ANKS1B: variants seen among roughly 807,000 people sequenced by gnomAD.
ANKS1B encodes ankyrin repeat and sterile alpha motif domain-containing protein 1B.
Under a neutral mutation model 148.3 loss-of-function variants are expected in ANKS1B, and 36 were observed. The observed-to-expected ratio is 0.24, with a 90% CI of 0.19 to 0.32. The LOEUF (loss-of-function observed/expected upper bound fraction) is 0.32. ANKS1B is among the 10% of genes least tolerant of loss of function. The pLI, the probability that ANKS1B is intolerant of heterozygous loss-of-function variation, is 1.00. For synonymous variants in ANKS1B, 542 were observed against 560.8 expected (o/e 0.97, Z 0.47); for missense variants, 1,157 against 1,542.6 (o/e 0.75, Z 4.19).
chr12:99,892,391 G>A (rs1488738), intron 1 of ANKS1B, among the ~76,000 whole-genome samples: 25,915 of 152,064 alleles, frequency 0.17, 2,803 homozygotes, highest in Non-Finnish European at 0.24. Flanking sequence ...TAAATACACC[G>A]TAAAGGGATT....
In ANKS1B at chr12:99,870,487, T is replaced by C. The variant is rs575712089; in HGVS notation, c.135-45098A>G. On this transcript the variant is annotated intron_variant, in intron 1 of 26. Transcript: ENST00000683438. ...TGATTGTTGAGTCAAATGATAGTTCTAAGATATTTGAGAAATATCCCACCT... is the reference window on the plus strand; with the variant it reads ...TGATTGTTGAGTCAAATGATAGTTCCAAGATATTTGAGAAATATCCCACCT... Among the ~76,000 whole-genome samples the C allele has an allele frequency of 2.0e-5, 3 of 152,338 alleles. No individual in the cohort carries two copies. In the East Asian group the frequency reaches 5.8e-4, roughly 29 times the overall value.
At chr12:99,716,370 C>G (rs183872223) in intron 8 of ANKS1B, among the ~76,000 whole-genome samples, 77 of 152,040 alleles carry the variant, frequency 5.1e-4, no homozygotes, top group Non-Finnish European at 8.2e-4. Context: ...TAAGAACCTC[C>G]GAACCTCTTC....
At chr12:99,967,138 A>C (rs115412055) in intron 1 of ANKS1B, among the ~76,000 whole-genome samples, 3,045 of 152,298 alleles carry the variant, frequency 0.02, 115 homozygotes, top group African/African-American at 0.069. Context: ...ATTATGATTT[A>C]TAATTATGAA....
chr12:99,054,348 G>A (rs1311536979), intron 16 of ANKS1B, among the ~76,000 whole-genome samples: 4 of 152,198 alleles, frequency 2.6e-5, no homozygotes, highest in African/African-American at 9.6e-5. Context: ...TCTGATTTGC[G>A]AGCAGAGAAA....
intron 17 of ANKS1B, among the ~76,000 whole-genome samples, chr12:98,955,959 G>A (rs2099861498): frequency 6.6e-6 from 1 of 152,154 alleles, no homozygotes; most frequent in African/African-American, 2.4e-5. Context: ...ATAATGTGAA[G>A]CACTTTGGGA....
chr12:99,473,294 GTTTTA>G (rs1289656637), intron 10 of ANKS1B, among the ~76,000 whole-genome samples: 3 of 151,442 alleles, frequency 2.0e-5, no homozygotes, highest in South Asian at 2.1e-4. Flanking sequence ...TAATCCTACT[GTTTTA>G]TTTTAACTAA....
At chr12:99,937,508 A>G (rs952963027) in intron 1 of ANKS1B, among the ~76,000 whole-genome samples, 1 of 152,190 alleles carries the variant, frequency 6.6e-6, no homozygotes, top group African/African-American at 2.4e-5. Context: ...CAAAAATCAA[A>G]AGCCCTTGAT....
intron 17 of ANKS1B, among the ~76,000 whole-genome samples, chr12:98,876,263 G>A (rs761679418): frequency 2.2e-4 from 34 of 152,104 alleles, no homozygotes; most frequent in Non-Finnish European, 4.9e-4. Context: ...GCCTTCATCC[G>A]TGCTGTTTCC....
At chr12:99,418,762 G>A (rs1035990293) in intron 11 of ANKS1B, among the ~76,000 whole-genome samples, 1 of 152,138 alleles carries the variant, frequency 6.6e-6, no homozygotes, top group Non-Finnish European at 1.5e-5. Context: ...TTACCATTAA[G>A]TATAATGTTA....
At chr12:99,517,446 G>A (rs2096832609) in intron 9 of ANKS1B, among the ~76,000 whole-genome samples, 1 of 151,846 alleles carries the variant, frequency 6.6e-6, no homozygotes, top group Admixed American at 6.6e-5. Flanking sequence ...TGCTAGGTGT[G>A]GTGGCTCACA....
chr12:99,011,617 C>T (rs1420274811), intron 17 of ANKS1B, among the ~76,000 whole-genome samples: 1 of 152,164 alleles, frequency 6.6e-6, no homozygotes, highest in Non-Finnish European at 1.5e-5. Flanking sequence ...GAAATTACAA[C>T]GTGCTCGCAC....
intron 9 of ANKS1B, among the ~76,000 whole-genome samples, chr12:99,573,730 A>T (rs1204467693): frequency 6.6e-6 from 1 of 152,000 alleles, no homozygotes; most frequent in Non-Finnish European, 1.5e-5. Context: ...AATAGAAAAA[A>T]AATCCTCACT....
intron 9 of ANKS1B, among the ~76,000 whole-genome samples, chr12:99,590,778 G>T (rs901088790): frequency 4.6e-5 from 7 of 152,140 alleles, no homozygotes; most frequent in African/African-American, 1.7e-4. Flanking sequence ...CCGAATAAGG[G>T]TTTGTAGGCA....
Position 99,541,044 on chromosome 12 carries a change from C to T in ANKS1B, c.1273-36403G>A, listed in dbSNP as rs184527302. ...AAACAGATAGGCTAGCTGAAATAAA[C>T]AAAATCCTACCAAAACTGACTTAAG... On this transcript the variant is annotated intron_variant, in intron 9 of 26. Transcript: ENST00000683438. 1.1e-4 allele frequency among the ~76,000 whole-genome samples: 16 copies of T among 152,028 alleles called. No individual in the cohort carries two copies. In the East Asian group the frequency reaches 2.7e-3, roughly 26 times the overall value.
At chr12:99,734,433 A>G (rs1256424672) in intron 8 of ANKS1B, among the ~76,000 whole-genome samples, 1 of 152,092 alleles carries the variant, frequency 6.6e-6, no homozygotes, top group African/African-American at 2.4e-5. Context: ...AGCTGGGATT[A>G]CAGGCATGCG....
chr12:99,513,254 G>A (rs1567244927), intron 9 of ANKS1B, among the ~76,000 whole-genome samples: 1 of 151,906 alleles, frequency 6.6e-6, no homozygotes, highest in East Asian at 1.9e-4. Context: ...TAATGCTATT[G>A]CACACTTCAT....
chr12:98,993,917 A>G (rs1176383355), intron 17 of ANKS1B, among the ~76,000 whole-genome samples: 1 of 152,218 alleles, frequency 6.6e-6, no homozygotes, highest in African/African-American at 2.4e-5. Flanking sequence ...TTTCAGTCCT[A>G]TTCGTAGGAA....
intron 17 of ANKS1B, among the ~76,000 whole-genome samples, chr12:98,920,061 C>T (rs1221799010): frequency 6.6e-6 from 1 of 152,208 alleles, no homozygotes; most frequent in Non-Finnish European, 1.5e-5. Context: ...TTTCTCAGAA[C>T]TCTGGAGGCC....
chr12:99,160,708 G>A (rs903248606), intron 14 of ANKS1B, among the ~76,000 whole-genome samples: 15 of 152,092 alleles, frequency 9.9e-5, no homozygotes, highest in African/African-American at 3.6e-4. Context: ...CTTGAGGTAA[G>A]TTTTGTATAT....
Sources: gnomAD v4.1 joint callset for allele counts (sites outside exome capture counted in the v4.1 genomes callset) on GRCh38, gnomAD v4.1.1 for gene constraint, MANE v1.5 for transcripts, NCBI Gene and HGNC (gene_info 2026-07-23, HGNC 2026-07-21) for gene names.